Variants in CCDC60 observed in about 807,000 individuals in gnomAD.
CCDC60 encodes the protein coiled-coil domain-containing protein 60.
In CCDC60, 54 loss-of-function variants were observed where a neutral mutation model predicts 63.5. That is an observed-to-expected ratio of 0.85 (90% CI 0.68 to 1.07). The LOEUF (loss-of-function observed/expected upper bound fraction) is 1.07, where lower values mean the gene tolerates loss of function less well. Among genes scored for constraint, CCDC60 ranks in the 50% least tolerant of loss-of-function variants. The pLI is 0.00. For synonymous variants in CCDC60, 206 were observed against 238.8 expected (o/e 0.86, Z 1.27); for missense variants, 651 against 684.3 (o/e 0.95, Z 0.54).
At chr12:119,484,366 CTGT>C (rs566132740) in intron 4 of CCDC60, among the ~76,000 whole-genome samples, 142 of 152,226 alleles carry the variant, frequency 9.3e-4, no homozygotes, top group African/African-American at 2.5e-3. Context: ...CTTCGTTGTT[CTGT>C]TGTTGTTGTT....
intron 1 of CCDC60, among the ~76,000 whole-genome samples, chr12:119,422,412 G>A (rs915649350): frequency 2.0e-5 from 3 of 152,176 alleles, no homozygotes; most frequent in African/African-American, 7.2e-5. Context: ...GGTTTAATTG[G>A]CTCACAGTTT....
intron 1 of CCDC60, among the ~76,000 whole-genome samples, chr12:119,412,077 G>T (rs1956613326): frequency 6.6e-6 from 1 of 152,080 alleles, no homozygotes; most frequent in South Asian, 2.1e-4. Flanking sequence ...GCCTCAAAAG[G>T]TAATCCATGT....
intron 1 of CCDC60, among the ~76,000 whole-genome samples, chr12:119,395,372 G>A (rs1011861135): frequency 6.6e-6 from 1 of 152,212 alleles, no homozygotes; most frequent in Non-Finnish European, 1.5e-5. Context: ...CATGATGCTG[G>A]CTTCTGGGGA....
intron 1 of CCDC60, among the ~76,000 whole-genome samples, chr12:119,381,346 A>G (rs1276738293): frequency 6.6e-6 from 1 of 152,228 alleles, no homozygotes; most frequent in African/African-American, 2.4e-5. Flanking sequence ...GAACTGAGCC[A>G]TGATGACCTT....
chr12:119,446,724 T>C (rs73217290), intron 2 of CCDC60, among the ~76,000 whole-genome samples: 10,976 of 152,212 alleles, frequency 0.072, 530 homozygotes, highest in East Asian at 0.17. Flanking sequence ...TGGATGTGTG[T>C]GTTTGGGTTC....
At chr12:119,351,866 G>C (rs1363203259) in intron 1 of CCDC60, among the ~76,000 whole-genome samples, 3 of 152,112 alleles carry the variant, frequency 2.0e-5, no homozygotes, top group Non-Finnish European at 4.4e-5. Flanking sequence ...CCTCCAAACT[G>C]TTCCAAACTC....
intron 1 of CCDC60, among the ~76,000 whole-genome samples, chr12:119,411,875 G>A (rs754660601): frequency 3.3e-5 from 5 of 151,854 alleles, no homozygotes; most frequent in African/African-American, 1.2e-4. Flanking sequence ...AGTCTGAATC[G>A]CTGCCAACAA....
intron 2 of CCDC60, among the ~76,000 whole-genome samples, chr12:119,432,944 C>G (rs1297054017): frequency 6.6e-6 from 1 of 152,150 alleles, no homozygotes; most frequent in Non-Finnish European, 1.5e-5. Flanking sequence ...GTTTGCTAAT[C>G]TCTATGCCCT....
intron 2 of CCDC60, among the ~76,000 whole-genome samples, chr12:119,452,398 A>G (rs1416918527): frequency 6.6e-6 from 1 of 152,224 alleles, no homozygotes; most frequent in Non-Finnish European, 1.5e-5. Context: ...TACTCAGATA[A>G]GACAATATTA....
At chr12:119,468,910 A>G (rs1327432827) in intron 2 of CCDC60, among the ~76,000 whole-genome samples, 1 of 151,816 alleles carries the variant, frequency 6.6e-6, no homozygotes, top group Non-Finnish European at 1.5e-5. Context: ...CCCCATCTCT[A>G]CAAAAATTAA....
chr12:119,514,482 T>A lies in CCDC60; in HGVS notation c.884-2141T>A, dbSNP rs570566776. 3.9e-5 allele frequency among the ~76,000 whole-genome samples: 6 copies of A among 151,950 alleles called. No homozygotes were observed. In the East Asian group the frequency reaches 1.2e-3, roughly 29 times the overall value. On this transcript the variant is annotated intron_variant, in intron 7 of 13. Coordinates refer to ENST00000327554, the MANE Select transcript of CCDC60 (RefSeq NM_178499.5). The stretch of plus-strand genomic sequence containing the variant: ...GGGATTACAGGCATGAGCCACCGCA[T>A]CTGCCCTTAGTTTTTAACAAAAATG...
At chr12:119,405,169 G>A (rs1047452586) in intron 1 of CCDC60, among the ~76,000 whole-genome samples, 29 of 152,182 alleles carry the variant, frequency 1.9e-4, no homozygotes, top group Admixed American at 3.3e-4. Context: ...CCCAGGAACC[G>A]TGTTTGCTAA....
intron 1 of CCDC60, among the ~76,000 whole-genome samples, chr12:119,399,688 A>T (rs934922181): frequency 6.6e-6 from 1 of 152,050 alleles, no homozygotes; most frequent in Non-Finnish European, 1.5e-5. Context: ...GACAGGGGGG[A>T]AGGGAAGGAT....
At chr12:119,431,660 TG>T (rs1490345294) in intron 2 of CCDC60, among the ~76,000 whole-genome samples, 2 of 150,060 alleles carry the variant, frequency 1.3e-5, no homozygotes, top group Non-Finnish European at 3.0e-5. Context: ...TTTGTTTTTC[TG>T]TGTTTGTGTT....
intron 1 of CCDC60, among the ~76,000 whole-genome samples, chr12:119,351,802 G>T (rs530405783): frequency 2.6e-4 from 40 of 152,250 alleles, no homozygotes; most frequent in Middle Eastern, 3.4e-3. Flanking sequence ...CAACCATTTG[G>T]CAAGTCTCTA....
chr12:119,527,666 C>CTTTCTTTCTTTTTTTTTTTTT (rs1161185946), intron 11 of CCDC60, among the ~76,000 whole-genome samples: 1 of 84,974 alleles, frequency 1.2e-5, no homozygotes, highest in Non-Finnish European at 2.1e-5. Context: ...TTCTTTCTTT[C>CTTTCTTTCTTTTTTTTTTTTT]TTTTTTTTTT....
chr12:119,483,937 CTT>C (rs76087374), intron 4 of CCDC60, among the ~76,000 whole-genome samples: 1 of 141,764 alleles, frequency 7.1e-6, no homozygotes, highest in Non-Finnish European at 1.5e-5. Flanking sequence ...CTTCTGGGGA[CTT>C]TTTTTTTTTT....
intron 7 of CCDC60, among the ~76,000 whole-genome samples, chr12:119,511,800 G>C (rs1952220496): frequency 6.6e-6 from 1 of 152,164 alleles, no homozygotes; most frequent in Non-Finnish European, 1.5e-5. Flanking sequence ...TTATGAGTTG[G>C]GGGTAGGAGT....
At chr12:119,345,401 C>T (rs1007050787) in intron 1 of CCDC60, among the ~76,000 whole-genome samples, 17 of 152,148 alleles carry the variant, frequency 1.1e-4, no homozygotes, top group African/African-American at 4.1e-4. Context: ...ACTCAGGAGG[C>T]TGAGGCAGGA....
Sources: allele counts gnomAD v4.1 joint callset (sites outside exome capture counted in the v4.1 genomes callset), GRCh38; gene constraint gnomAD v4.1.1; transcripts MANE v1.5; gene names NCBI Gene and HGNC (gene_info 2026-07-23, HGNC 2026-07-21).